The following RPGRIP1L variants were observed in gnomAD, a reference collection of about 807,000 sequenced individuals.
RPGRIP1L encodes RPGRIP1 like.
Under a neutral mutation model 160.4 loss-of-function variants are expected in RPGRIP1L, and 131 were observed. The ratio of observed to expected loss-of-function variants is 0.82; its 90% confidence interval spans 0.71 to 0.94. The LOEUF is 0.94. RPGRIP1L is among the 40% of genes least tolerant of loss of function. The pLI is 0.00. For synonymous variants in RPGRIP1L, 510 were observed against 515.8 expected (o/e 0.99, Z 0.15); for missense variants, 1,522 against 1,535.8 (o/e 0.99, Z 0.15).
rs1402604190 is a variant in RPGRIP1L, at chr16:53,622,327, G to A, written c.3324C>T (p.Cys1108=). 9 of 639,746 alleles carry A rather than the reference G, an allele frequency of 1.4e-5. No homozygotes were observed. The Admixed American group carries it at 1.5e-4, about 11-fold the overall frequency. The allele number at this position is 639,746 out of a possible 1,614,324, so 39.6% of individuals were successfully genotyped here. Residue 1108 remains cysteine (C), a synonymous_variant, in exon 23 of 27, where the codon TGC becomes TGT. Transcript: ENST00000647211. The stretch of plus-strand genomic sequence containing the variant: ...TGCAGTGAGCTGAGATCGCGCTACT[G>A]CACCCCAGCCCGGGAGACAATGCGA... The part of the protein sequence containing the change: ...QSLALSPGLG[C]SSAISAHCNF...
chr16:53,674,158 T>G (rs1968965011), intron 7 of RPGRIP1L, among the ~76,000 whole-genome samples: 1 of 152,142 alleles, frequency 6.6e-6, no homozygotes, highest in African/African-American at 2.4e-5. Context: ...TTTAAAGAGG[T>G]TCCTGCAGGA....
At chr16:53,650,942 C>T (rs2151113763) in intron 15 of RPGRIP1L, among the ~76,000 whole-genome samples, 2 of 152,244 alleles carry the variant, frequency 1.3e-5, no homozygotes, top group South Asian at 4.1e-4. Context: ...TACATTCACT[C>T]TCTATGTGAT....
chr16:53,617,098 A>AAAAAAAAAAAAAAAAAAAC (rs1479088439), intron 24 of RPGRIP1L, among the ~76,000 whole-genome samples: 1 of 149,412 alleles, frequency 6.7e-6, no homozygotes, highest in African/African-American at 2.5e-5. Flanking sequence ...AAAAAAAAAA[A>AAAAAAAAAAAAAAAAAAAC]AGCACAACTA....
At chr16:53,624,481 T>C (rs1024201775) in intron 22 of RPGRIP1L, among the ~76,000 whole-genome samples, 1 of 151,480 alleles carries the variant, frequency 6.6e-6, no homozygotes, top group African/African-American at 2.4e-5. Flanking sequence ...CAGGTGGAGG[T>C]TGCAGTGAGC....
chr16:53,657,306 G>C, intron 13 of RPGRIP1L, 147 bp downstream of exon 13: 1 of 597,632 alleles, frequency 1.7e-6, no homozygotes, highest in Non-Finnish European at 2.9e-6. Context: ...TAAGTACCTA[G>C]TTATAAGGCT....
chr16:53,617,073 C>CAAAAA lies in RPGRIP1L; in HGVS notation c.3616+1947_3616+1951dup, dbSNP rs397945611. ...GGCAATAGCACCAGACCTTGCATCA[C>CAAAAA]AAAAAAAAAAAAAAAAAAAAAAAAA... On this transcript the variant is annotated intron_variant, in intron 24 of 26. Transcript: ENST00000647211. Among the ~76,000 whole-genome samples the CAAAAA allele has an allele frequency of 1.4e-4, 3 of 21,848 alleles. 1 individual carries two copies. Among genetic ancestry groups the CAAAAA allele is most frequent in the South Asian group, 1.5e-3 (1 of 676 alleles). 14.3% of individuals were successfully genotyped at this position (21,848 alleles called of 152,430 possible).
chr16:53,641,001 A>G (rs1051746404), intron 19 of RPGRIP1L, 32 bp downstream of exon 19: 1 of 1,467,674 alleles, frequency 6.8e-7, no homozygotes, highest in Non-Finnish European at 9.5e-7. Context: ...TTTGTTATGA[A>G]AAAATCAGTA....
chr16:53,665,774 A>G (rs1333708366), intron 9 of RPGRIP1L, among the ~76,000 whole-genome samples: 2 of 152,200 alleles, frequency 1.3e-5, no homozygotes, highest in South Asian at 2.1e-4. Flanking sequence ...GAAAGTGTAC[A>G]ATCAACATTC....
Position 53,657,504 on chromosome 16 carries a change from T to C in RPGRIP1L, c.1530A>G (p.Glu510=). Residue 510 remains glutamate, a synonymous_variant, in exon 13 of 27, where the codon GAA becomes GAG. Transcript: ENST00000647211. Reference sequence around the variant, plus strand: ...GCATAATTAGCATGTTTCTTGTCTTTTCCAGCTCTTGCACCGTTTCTGCAT... The same window carrying C: ...GCATAATTAGCATGTTTCTTGTCTTCTCCAGCTCTTGCACCGTTTCTGCAT... ...ATHAETVQEL[E]KTRNMLIMQH... The C allele has an allele frequency of 6.2e-7, 1 of 1,613,296 alleles. No individual in the cohort carries two copies. The highest frequency in any genetic ancestry group is 8.5e-7 in the Non-Finnish European group (1 of 1,179,536).
At position 53,685,891 on chromosome 16, in the gene RPGRIP1L, GT is replaced by G. The variant is rs557434483; in HGVS notation, c.776+541del. Among the ~76,000 whole-genome samples the G allele has an allele frequency of 2.3e-3, 346 of 152,254 alleles. 2 individuals are homozygous for G. Among genetic ancestry groups the G allele is most frequent in the Middle Eastern group, 0.02 (6 of 294 alleles). On this transcript the variant is annotated intron_variant, in intron 6 of 26. Transcript: ENST00000647211. ...AAAGTTGGAAATTATAACAAAAAAAGTTTTTTAATGTCATAGATGAAAAGGC... is the reference window on the plus strand; with the variant it reads ...AAAGTTGGAAATTATAACAAAAAAAGTTTTTAATGTCATAGATGAAAAGGC...
In RPGRIP1L at chr16:53,692,201, T is replaced by A. The variant is rs121918201; in HGVS notation, c.394A>T (p.Arg132Ter). The A allele has an allele frequency of 6.2e-7, 1 of 1,614,212 alleles. No homozygotes were observed. Among genetic ancestry groups the A allele is most frequent in the Non-Finnish European group, 8.5e-7 (1 of 1,180,042 alleles). ...AGTTGCTGTTTGGCTGAAATCAGTC[T>A]GTTTTTGAGGGTTTCATTTTGTTTT... Reference protein sequence around the residue: ...LEKQNETLKNRLISAKQQLQT... With the variant: ...LEKQNETLKN Residue 132 changes from arginine to a stop codon, truncating the protein, a stop_gained, in exon 4 of 27, where the codon AGA becomes TGA. Transcript: ENST00000647211. LOFTEE classifies it high-confidence loss of function.
intron 10 of RPGRIP1L, among the ~76,000 whole-genome samples, chr16:53,660,348 A>T (rs953142194): frequency 1.3e-5 from 2 of 152,204 alleles, no homozygotes; most frequent in Non-Finnish European, 2.9e-5. Flanking sequence ...TCTTAAAAAA[A>T]TGAACACATT....
chr16:53,665,477 C>T (rs1259997804), intron 9 of RPGRIP1L, among the ~76,000 whole-genome samples: 3 of 151,872 alleles, frequency 2.0e-5, no homozygotes, highest in African/African-American at 7.3e-5. Context: ...ATATTGGCCA[C>T]AAAATGATAG....
chr16:53,684,718 G>A (rs1969868020), intron 6 of RPGRIP1L, among the ~76,000 whole-genome samples: 1 of 150,808 alleles, frequency 6.6e-6, no homozygotes, highest in South Asian at 2.1e-4. Context: ...TTGTGCACAT[G>A]TACCCTAAAA....
At chr16:53,634,622 T>C (rs1034628989) in intron 22 of RPGRIP1L, among the ~76,000 whole-genome samples, 17 of 152,054 alleles carry the variant, frequency 1.1e-4, no homozygotes, top group African/African-American at 3.9e-4. Context: ...TGAGAGCTGA[T>C]TGTTATAAAG....
At chr16:53,606,129 A>G (rs1963668212) in intron 25 of RPGRIP1L, among the ~76,000 whole-genome samples, 1 of 152,242 alleles carries the variant, frequency 6.6e-6, no homozygotes, top group African/African-American at 2.4e-5. Flanking sequence ...ATCATGTTAG[A>G]TAAATGTTGT....
intron 22 of RPGRIP1L, among the ~76,000 whole-genome samples, chr16:53,631,383 C>T (rs756105756): frequency 6.6e-6 from 1 of 152,170 alleles, no homozygotes; most frequent in Non-Finnish European, 1.5e-5. Context: ...TAAATATGCA[C>T]TGCACAGAAG....
At chr16:53,631,048 T>C (rs1965485485) in intron 22 of RPGRIP1L, among the ~76,000 whole-genome samples, 1 of 152,166 alleles carries the variant, frequency 6.6e-6, no homozygotes, top group African/African-American at 2.4e-5. Context: ...AAATATATTT[T>C]AAAACCTACT....
At position 53,675,186 on chromosome 16, in the gene RPGRIP1L, A is replaced by T. The variant is rs879086207; in HGVS notation, c.777-64T>A. On this transcript the variant is annotated intron_variant, in intron 6 of 26. Transcript: ENST00000647211. ...AAAAACGCAAGTTAGAAGAAAATCT[A>T]TGGTGGAATCACAATTTTTCAACTA... is the stretch of plus-strand genomic sequence containing the variant. 9.7e-6 allele frequency: 10 copies of T among 1,026,586 alleles called. No homozygotes were observed. The South Asian group carries it at 1.0e-4, about 11-fold the overall frequency. The allele number at this position is 1,026,586 out of a possible 1,614,324, so 63.6% of individuals were successfully genotyped here.
Sources: allele counts gnomAD v4.1 joint callset (sites outside exome capture counted in the v4.1 genomes callset), GRCh38; gene constraint gnomAD v4.1.1; transcripts MANE v1.5; gene names NCBI Gene and HGNC (gene_info 2026-07-23, HGNC 2026-07-21).